OLFML2A: variants seen among roughly 807,000 people sequenced by gnomAD.
OLFML2A encodes olfactomedin like 2A.
Under a neutral mutation model 60.9 loss-of-function variants are expected in OLFML2A, and 47 were observed. The ratio of observed to expected loss-of-function variants is 0.77; its 90% CI spans 0.61 to 0.98. The LOEUF is 0.98. Ranked by LOEUF, OLFML2A falls within the 50% of genes least tolerant of loss-of-function variation. The pLI, the probability that OLFML2A is intolerant of heterozygous loss-of-function variation, is 0.00. For synonymous variants in OLFML2A, 372 were observed against 375.0 expected, an observed-to-expected ratio of 0.99 and a Z score of 0.09; for missense variants, 922 against 879.8, an observed-to-expected ratio of 1.05 and a Z score of -0.61.
intron 1 of OLFML2A, among the ~76,000 whole-genome samples, chr9:124,781,886 C>T (rs1426759779): frequency 6.6e-6 from 1 of 152,152 alleles, no homozygotes; most frequent in Non-Finnish European, 1.5e-5. Context: ...TAGACTCATC[C>T]ATCTCTCTGC....
chr9:124,787,528 T>TTTTATTTTATTTTATTTTAG (rs1455904001), intron 2 of OLFML2A, among the ~76,000 whole-genome samples: 24 of 125,336 alleles, frequency 1.9e-4, no homozygotes, highest in African/African-American at 9.4e-4. Flanking sequence ...GTTGTTTTTA[T>TTTTATTTTATTTTATTTTAG]TTTATTTTAT....
chr9:124,784,940 C>CTTT (rs1461676348), intron 1 of OLFML2A, among the ~76,000 whole-genome samples: 3 of 50,052 alleles, frequency 6.0e-5, no homozygotes, highest in African/African-American at 2.9e-4. Context: ...ATTCCTTTTA[C>CTTT]TTGTTTTTTT....
At chr9:124,782,898 G>A (rs573979364) in intron 1 of OLFML2A, among the ~76,000 whole-genome samples, 34 of 152,204 alleles carry the variant, frequency 2.2e-4, no homozygotes, top group East Asian at 3.9e-4. Flanking sequence ...ACATCTACCC[G>A]CTAGGCTCTT....
rs1842070714 is a variant in OLFML2A, at chr9:124,814,004, CT to C, written c.*3593del. ...CAAAGGCAAAGGAAGGCAAAGGAAG[CT>C]GTCTCGGGTGTTTCTGAACAACGTG... On this transcript the variant is annotated 3_prime_UTR_variant, in exon 8 of 8. Coordinates refer to ENST00000373580, the MANE Select transcript of OLFML2A (RefSeq NM_182487.4). 1 of 152,270 alleles carries C rather than the reference CT, an allele frequency of 6.6e-6. No individual in the cohort carries two copies. Among genetic ancestry groups the C allele is most frequent in the African/African-American group, 2.4e-5 (1 of 41,452 alleles). 9.4% of individuals were successfully genotyped at this position (152,270 alleles called of 1,614,324 possible). A position where few individuals can be genotyped will look rare whatever the true frequency, so the allele number is the denominator to read the frequency against.
intron 3 of OLFML2A, among the ~76,000 whole-genome samples, chr9:124,796,343 C>T (rs777926060): frequency 2.6e-5 from 4 of 152,172 alleles, no homozygotes; most frequent in Non-Finnish European, 5.9e-5. Context: ...CAGGCCCTCC[C>T]GTTACTGGCT....
At chr9:124,778,827 C>A in intron 1 of OLFML2A, 3 of 228,744 alleles carry the variant, frequency 1.3e-5, no homozygotes, top group Non-Finnish European at 2.1e-5. Context: ...AAAAAAAAAA[C>A]GGACAGACCT....
In OLFML2A at chr9:124,777,291, GC is replaced by G; in HGVS notation, c.25del (p.Arg9GlyfsTer8). The G allele has an allele frequency of 1.6e-6, 2 of 1,261,900 alleles. No individual in the cohort carries two copies. Among genetic ancestry groups the G allele is most frequent in the South Asian group, 2.7e-5 (1 of 36,686 alleles). 78.2% of individuals were successfully genotyped at this position (1,261,900 alleles called of 1,614,324 possible). On this transcript the variant is annotated frameshift_variant, in exon 1 of 8. Coordinates refer to ENST00000373580, the MANE Select transcript of OLFML2A (RefSeq NM_182487.4). LOFTEE classifies it high-confidence loss of function. This position sits in a 1 kb window ranked among gnomAD's most constrained non-coding sequence, Gnocchi z 6.2. MAAAALP[P>X]RPLLLLPLVL... The stretch of plus-strand genomic sequence containing the variant: ...GCGCCATGGCCGCTGCCGCCCTCCC[GC>G]CCCGGCCGCTGCTCCTTCTGCCGCT...
At position 124,777,237 on chromosome 9, in the gene OLFML2A, C is replaced by G; in HGVS notation, c.-34C>G. ...CAGCCCGCGCTTCCCAGCGTCCGTG[C>G]CCGGCCGCCTGTGCCTACCGTGCCC... On this transcript the variant is annotated 5_prime_UTR_variant, in exon 1 of 8. Coordinates refer to ENST00000373580, the MANE Select transcript of OLFML2A (RefSeq NM_182487.4). This position sits in a 1 kb window ranked among gnomAD's most constrained non-coding sequence, Gnocchi z 6.2. The G allele has an allele frequency of 1.1e-6, 1 of 897,758 alleles. No homozygotes were observed. 55.6% of individuals were successfully genotyped at this position (897,758 alleles called of 1,614,324 possible). A position where few individuals can be genotyped will look rare whatever the true frequency, so the allele number is the denominator to read the frequency against.
Position 124,810,011 on chromosome 9 carries a change from G to A in OLFML2A, c.1558G>A (p.Asp520Asn), listed in dbSNP as rs1841974502. The A allele has an allele frequency of 6.2e-7, 1 of 1,614,120 alleles. No homozygotes were observed. The highest frequency in any genetic ancestry group is 1.7e-5 in the Admixed American group (1 of 60,024). Reference sequence around the variant, plus strand: ...ACCTTGGAAGTGGCGCGGACACTCGGACATTGACTTTGCCGTGGACGAGAG... The same window carrying A: ...ACCTTGGAAGTGGCGCGGACACTCGAACATTGACTTTGCCGTGGACGAGAG... The part of the protein sequence containing the change: ...TTPWKWRGHS[D>N]IDFAVDESGL... The change falls in exon 8 of 8, where the codon GAC becomes AAC. Residue 520 changes from aspartate (D) to asparagine (N), a missense_variant. Asp to Asn is a conservative substitution (Grantham distance 23). Transcript: ENST00000373580.
chr9:124,786,099 G>A (rs1841464797), intron 1 of OLFML2A, among the ~76,000 whole-genome samples: 1 of 152,062 alleles, frequency 6.6e-6, no homozygotes, highest in Non-Finnish European at 1.5e-5. Flanking sequence ...GGGCCAAACA[G>A]CAAGACCCTC....
intron 2 of OLFML2A, among the ~76,000 whole-genome samples, chr9:124,788,162 C>A (rs1841511370): frequency 6.6e-6 from 1 of 151,772 alleles, no homozygotes; most frequent in Non-Finnish European, 1.5e-5. Context: ...ATTAGCCAGG[C>A]ATGGTGGCAG....
chr9:124,782,100 T>TGGGCC (rs1243660058), intron 1 of OLFML2A, among the ~76,000 whole-genome samples: 1 of 152,228 alleles, frequency 6.6e-6, no homozygotes, highest in Non-Finnish European at 1.5e-5. Context: ...CAGGGTGGGC[T>TGGGCC]GGGCCTAGTA....
intron 1 of OLFML2A, among the ~76,000 whole-genome samples, chr9:124,781,359 A>G (rs552037889): frequency 6.6e-6 from 1 of 152,248 alleles, no homozygotes; most frequent in African/African-American, 2.4e-5. Context: ...GGCTGGGTCC[A>G]GTCTTGGAAT....
intron 5 of OLFML2A, among the ~76,000 whole-genome samples, chr9:124,801,995 C>T (rs1841788190): frequency 6.6e-6 from 1 of 152,070 alleles, no homozygotes; most frequent in South Asian, 2.1e-4. Flanking sequence ...GTCCCTGTCC[C>T]CACAGATCTC....
chr9:124,809,167 G>A (rs1286399614), intron 7 of OLFML2A, among the ~76,000 whole-genome samples: 4 of 151,680 alleles, frequency 2.6e-5, no homozygotes, highest in African/African-American at 2.4e-5. Flanking sequence ...ACTCTATCTC[G>A]AAAAATATGA....
At chr9:124,805,483 T>A (rs1244950446) in intron 6 of OLFML2A, among the ~76,000 whole-genome samples, 1 of 152,076 alleles carries the variant, frequency 6.6e-6, no homozygotes, top group Non-Finnish European at 1.5e-5. Context: ...GAGAAATTGC[T>A]CAACGGAGGC....
chr9:124,777,446 C>A lies in OLFML2A; in HGVS notation c.90+86C>A. On this transcript the variant is annotated intron_variant, in intron 1 of 7. Coordinates refer to ENST00000373580, the MANE Select transcript of OLFML2A (RefSeq NM_182487.4). The surrounding 1 kb of genome is among the most constrained non-coding windows in gnomAD (Gnocchi z 6.2). Reference sequence around the variant, plus strand: ...GGCTGGGGTGCGGCCCGGGAGGGAGCCCGGGGCCAGGGCGGAGGAGCCGGG... The same window carrying A: ...GGCTGGGGTGCGGCCCGGGAGGGAGACCGGGGCCAGGGCGGAGGAGCCGGG... The A allele has an allele frequency of 8.4e-7, 1 of 1,187,576 alleles. No homozygotes were observed. Among genetic ancestry groups the A allele is most frequent in the Non-Finnish European group, 1.0e-6 (1 of 952,778 alleles). The allele number at this position is 1,187,576 out of a possible 1,614,324, so 73.6% of individuals were successfully genotyped here.
At position 124,814,561 on chromosome 9, in the gene OLFML2A, G is replaced by A. The variant is rs1377407931; in HGVS notation, c.*4149G>A. 6.6e-6 allele frequency: 1 copy of A among 152,190 alleles called. No individual in the cohort carries two copies. The highest frequency in any genetic ancestry group is 2.4e-5 in the African/African-American group (1 of 41,442). 9.4% of individuals were successfully genotyped at this position (152,190 alleles called of 1,614,324 possible). ...CTGCTCAGGGTCACGTCTCCAACAGGCAGTAGAGTCAAGGTATAAACCAGG... is the reference window on the plus strand; with the variant it reads ...CTGCTCAGGGTCACGTCTCCAACAGACAGTAGAGTCAAGGTATAAACCAGG... On this transcript the variant is annotated 3_prime_UTR_variant, in exon 8 of 8. Transcript: ENST00000373580.
Position 124,779,444 on chromosome 9 carries a change from G to T in OLFML2A, c.90+2084G>T, listed in dbSNP as rs929296419. On this transcript the variant is annotated intron_variant, in intron 1 of 7. Coordinates refer to ENST00000373580, the MANE Select transcript of OLFML2A (RefSeq NM_182487.4). This position sits in a 1 kb window ranked among gnomAD's most constrained non-coding sequence, Gnocchi z 4.1. The stretch of plus-strand genomic sequence containing the variant: ...CTGTGCAGAGAGCTGTAGAGCTTGT[G>T]GGGGAGAGCTCACATTCTAAACAAA... Among the ~76,000 whole-genome samples the T allele has an allele frequency of 2.1e-4, 32 of 152,266 alleles. No homozygotes were observed. Among genetic ancestry groups the T allele is most frequent in the Non-Finnish European group, 3.2e-4 (22 of 68,028 alleles).
Sources: allele counts gnomAD v4.1 joint callset (sites outside exome capture counted in the v4.1 genomes callset), GRCh38; gene constraint gnomAD v4.1.1; non-coding constraint Gnocchi (gnomAD v3.1); transcripts MANE v1.5; gene names NCBI Gene and HGNC (gene_info 2026-07-23, HGNC 2026-07-21).